The following ACAP2 variants were observed in gnomAD, a reference collection of about 807,000 sequenced individuals.
ACAP2 encodes the protein ArfGAP with coiled-coil, ankyrin repeat and PH domains 2.
A neutral mutation model predicts 115.8 loss-of-function variants in ACAP2; 39 were observed. The observed-to-expected ratio is 0.34, with a 90% confidence interval of 0.26 to 0.44. The LOEUF is 0.44. Among genes scored for constraint, ACAP2 ranks in the 20% least tolerant of loss-of-function variants. The pLI, the probability that ACAP2 is intolerant of heterozygous loss-of-function variation, is 1.00. For missense variants in ACAP2, 662 were observed against 927.6 expected, an observed-to-expected ratio of 0.71 and a Z score of 3.72; for synonymous variants, 289 against 315.8, an observed-to-expected ratio of 0.92 and a Z score of 0.90.
intron 4 of ACAP2, chr3:195,350,136 T>G (rs1444772934): frequency 1.3e-5 from 2 of 152,274 alleles, no homozygotes; most frequent in Non-Finnish European, 2.9e-5. Flanking sequence ...GAAGACTTAT[T>G]ATTAGCAAAA....
intron 5 of ACAP2, among the ~76,000 whole-genome samples, chr3:195,344,810 C>T (rs891707326): frequency 1.3e-5 from 2 of 152,170 alleles, no homozygotes; most frequent in African/African-American, 2.4e-5. Context: ...TGAGCCACTG[C>T]GCCCCGGCCC....
chr3:195,343,577 C>T (rs138495845), intron 5 of ACAP2, among the ~76,000 whole-genome samples: 4 of 152,294 alleles, frequency 2.6e-5, no homozygotes, highest in African/African-American at 9.6e-5. Flanking sequence ...CAGGCACATG[C>T]CACCACACAA....
rs530835318 is a variant in ACAP2, at chr3:195,423,720, C to A, written c.53+19075G>T. On this transcript the variant is annotated intron_variant, in intron 1 of 22. Transcript: ENST00000326793. ...AACTCTGCCGTTGTAGCAAAAAACG[C>A]AACCATAAACAATATGTAAATAAAT... Among the ~76,000 whole-genome samples, 3 of 151,290 alleles carry A rather than the reference C, an allele frequency of 2.0e-5. No individual in the cohort carries two copies. The South Asian group carries it at 6.3e-4, about 32-fold the overall frequency.
At chr3:195,393,556 A>T (rs1711514837) in intron 1 of ACAP2, among the ~76,000 whole-genome samples, 1 of 152,238 alleles carries the variant, frequency 6.6e-6, no homozygotes, top group Non-Finnish European at 1.5e-5. Flanking sequence ...CAGAAACAGA[A>T]ATACTTCTTC....
chr3:195,378,630 GC>G (rs1159716140), intron 4 of ACAP2, among the ~76,000 whole-genome samples: 1 of 152,158 alleles, frequency 6.6e-6, no homozygotes, highest in Non-Finnish European at 1.5e-5. Flanking sequence ...GAAGGCCAAG[GC>G]GGGTGGATCA....
chr3:195,289,205 C>T lies in ACAP2; in HGVS notation c.2090G>A (p.Gly697Asp), dbSNP rs1727070528. ...TTCATCAGTGGCATGTTGATTGGCA[C>T]CTCGTTTTAGGAATAAACATACCTG... ...TGQVCLFLKR[G>D]ANQHATDEEG... Residue 697 changes from glycine to aspartate, a missense_variant, in exon 21 of 23, where the codon GGT becomes GAT. Physicochemically the swap from Gly to Asp is moderately conservative, Grantham distance 94 (BLOSUM62 -1). Around this residue, in one of 3 missense-constraint regions of ACAP2, gnomAD observed 128 missense variants for 200.2 expected, o/e 0.64. Coordinates refer to ENST00000326793, the MANE Select transcript of ACAP2 (RefSeq NM_012287.6). 2 of 1,612,858 alleles carry T rather than the reference C, an allele frequency of 1.2e-6. No individual in the cohort carries two copies. The highest frequency in any genetic ancestry group is 1.3e-5 in the African/African-American group (1 of 74,750).
intron 2 of ACAP2, among the ~76,000 whole-genome samples, chr3:195,383,998 A>G (rs1419255983): frequency 6.6e-6 from 1 of 152,232 alleles, no homozygotes; most frequent in African/African-American, 2.4e-5. Context: ...GTTATGGGGA[A>G]ATAGTCACTC....
intron 4 of ACAP2, among the ~76,000 whole-genome samples, chr3:195,352,670 A>G (rs1245194082): frequency 6.6e-6 from 1 of 152,202 alleles, no homozygotes; most frequent in Non-Finnish European, 1.5e-5. Flanking sequence ...ATTCTTTAAC[A>G]CTGCTTTCTT....
chr3:195,415,044 A>C (rs1272968214), intron 1 of ACAP2, among the ~76,000 whole-genome samples: 1 of 152,180 alleles, frequency 6.6e-6, no homozygotes, highest in African/African-American at 2.4e-5. Context: ...ATGATCCTAT[A>C]ATGGTAGCTA....
At chr3:195,344,506 C>T (rs552528752) in intron 5 of ACAP2, among the ~76,000 whole-genome samples, 1 of 151,738 alleles carries the variant, frequency 6.6e-6, no homozygotes, top group South Asian at 2.1e-4. Context: ...ACACAAAATA[C>T]TCGTAAGTCA....
chr3:195,356,272 A>T (rs1731964275), intron 4 of ACAP2: 1 of 447,388 alleles, frequency 2.2e-6, no homozygotes, highest in Non-Finnish European at 4.5e-6. Context: ...AATGCCAATG[A>T]ATGGAGCATT....
chr3:195,276,168 C>T lies in ACAP2; in HGVS notation c.*3160G>A, dbSNP rs1726181383. 2 of 152,546 alleles carry T rather than the reference C, an allele frequency of 1.3e-5. No homozygotes were observed. Among genetic ancestry groups the T allele is most frequent in the Admixed American group, 1.3e-4 (2 of 15,268 alleles). 9.4% of individuals were successfully genotyped at this position (152,546 alleles called of 1,614,324 possible). ...TTTTAAAATACAAACTTAAATTGGC[C>T]AGATTCTGAATGTGTACTTTTTTTC... On this transcript the variant is annotated 3_prime_UTR_variant, in exon 23 of 23. Coordinates refer to ENST00000326793, the MANE Select transcript of ACAP2 (RefSeq NM_012287.6).
At chr3:195,355,712 A>G (rs968075000) in intron 4 of ACAP2, among the ~76,000 whole-genome samples, 3 of 152,210 alleles carry the variant, frequency 2.0e-5, no homozygotes, top group Non-Finnish European at 2.9e-5. Context: ...GAAAGGAGGA[A>G]AGCTAAGACG....
At chr3:195,338,660 A>G (rs1307615110) in intron 6 of ACAP2, among the ~76,000 whole-genome samples, 1 of 152,194 alleles carries the variant, frequency 6.6e-6, no homozygotes, top group African/African-American at 2.4e-5. Flanking sequence ...AAATTTACTG[A>G]AAGATCAATA....
chr3:195,354,427 T>C (rs1015133664), intron 4 of ACAP2, among the ~76,000 whole-genome samples: 5 of 152,234 alleles, frequency 3.3e-5, no homozygotes, highest in African/African-American at 1.2e-4. Context: ...ACTTCTCCAA[T>C]GATCAGTGAT....
At chr3:195,306,461 T>C in intron 13 of ACAP2, 50 bp downstream of exon 13, 1 of 1,258,580 alleles carries the variant, frequency 7.9e-7, no homozygotes, top group Non-Finnish European at 1.1e-6. Flanking sequence ...GCAACTAAAA[T>C]CAAGAATTTT....
At chr3:195,396,821 G>A (rs556945494) in intron 1 of ACAP2, among the ~76,000 whole-genome samples, 129 of 83,558 alleles carry the variant, frequency 1.5e-3, no homozygotes, top group African/African-American at 5.4e-3. Context: ...AAAAGAAGAA[G>A]TATGCTAAAT....
chr3:195,351,938 C>T (rs1019541897), intron 4 of ACAP2, among the ~76,000 whole-genome samples: 2 of 152,194 alleles, frequency 1.3e-5, no homozygotes, highest in Non-Finnish European at 1.5e-5. Context: ...AACCCCTGCA[C>T]TCTTGTACAC....
intron 2 of ACAP2, among the ~76,000 whole-genome samples, chr3:195,382,550 T>C (rs1024754104): frequency 6.6e-6 from 1 of 152,000 alleles, no homozygotes; most frequent in African/African-American, 2.4e-5. Flanking sequence ...CTCCTTTCTT[T>C]CAGACACAGA....
Sources: allele counts gnomAD v4.1 joint callset (sites outside exome capture counted in the v4.1 genomes callset), GRCh38; gene constraint gnomAD v4.1.1; regional missense constraint gnomAD v4.1.1; transcripts MANE v1.5; gene names NCBI Gene and HGNC (gene_info 2026-07-23, HGNC 2026-07-21).